Variants in HEMK2 observed in about 807,000 individuals in gnomAD.
HEMK2 encodes methyltransferase HEMK2.
At chr21:28,821,007 T>C in the HEMK2 span, among the ~76,000 whole-genome samples, 9 of 152,260 alleles carry the variant, frequency 5.9e-5, no homozygotes, top group Non-Finnish European at 8.8e-5. Context: ...CTCTTCTTAC[T>C]TTTCCATAAA....
chr21:28,775,582 A>C, the HEMK2 span, among the ~76,000 whole-genome samples: 1 of 152,222 alleles, frequency 6.6e-6, no homozygotes, highest in East Asian at 1.9e-4. Flanking sequence ...TCCAAGTGTC[A>C]GAAGAAAAAC....
chr21:28,697,863 GA>G, the HEMK2 span, among the ~76,000 whole-genome samples: 2 of 146,602 alleles, frequency 1.4e-5, no homozygotes, highest in Admixed American at 1.4e-4. Context: ...CAAACAAACA[GA>G]CAACCATAGA....
chr21:28,810,230 T>A, the HEMK2 span, among the ~76,000 whole-genome samples: 1 of 152,136 alleles, frequency 6.6e-6, no homozygotes, highest in South Asian at 2.1e-4. Context: ...CAAGAAGCAG[T>A]CATTTCCATT....
chr21:28,870,908 T>C, the HEMK2 span, among the ~76,000 whole-genome samples: 1 of 152,192 alleles, frequency 6.6e-6, no homozygotes, highest in Non-Finnish European at 1.5e-5. Flanking sequence ...ATCCCATGGG[T>C]GCTTGAGAAA....
the HEMK2 span, among the ~76,000 whole-genome samples, chr21:28,674,326 C>T: frequency 6.6e-6 from 1 of 152,162 alleles, no homozygotes; most frequent in South Asian, 2.1e-4. Context: ...TATGGAGTAG[C>T]CATTCTTTTA....
the HEMK2 span, among the ~76,000 whole-genome samples, chr21:28,650,949 G>C: frequency 6.6e-6 from 1 of 152,264 alleles, no homozygotes; most frequent in Middle Eastern, 3.4e-3. Context: ...CTAAAGGTGG[G>C]TACAGAGTGG....
the HEMK2 span, among the ~76,000 whole-genome samples, chr21:28,831,594 AGAAG>A: frequency 1.2e-5 from 1 of 82,840 alleles, no homozygotes; most frequent in East Asian, 5.2e-4. Context: ...AAAGAAGGAA[AGAAG>A]GAAAGAAGGA....
the HEMK2 span, among the ~76,000 whole-genome samples, chr21:28,838,694 C>T: frequency 1.3e-5 from 2 of 151,556 alleles, no homozygotes; most frequent in Admixed American, 6.6e-5. Flanking sequence ...AATCCCAGCA[C>T]TTTGGGAGGC....
chr21:28,717,044 A>T, the HEMK2 span, among the ~76,000 whole-genome samples: 1 of 152,160 alleles, frequency 6.6e-6, no homozygotes, highest in Non-Finnish European at 1.5e-5. Flanking sequence ...GGATTTTTGC[A>T]TCTGTGTTCA....
At chr21:28,672,327 T>A in the HEMK2 span, among the ~76,000 whole-genome samples, 2 of 151,968 alleles carry the variant, frequency 1.3e-5, no homozygotes, top group African/African-American at 2.4e-5. Context: ...GGGTGTTAAA[T>A]TTCCACTGGA....
chr21:28,609,400 A>G, the HEMK2 span, among the ~76,000 whole-genome samples: 28 of 152,186 alleles, frequency 1.8e-4, no homozygotes, highest in Non-Finnish European at 3.7e-4. Context: ...ACTGAACAGC[A>G]GCCCTTGAGT....
chr21:28,857,581 T>A, the HEMK2 span, among the ~76,000 whole-genome samples: 1 of 152,206 alleles, frequency 6.6e-6, no homozygotes, highest in Non-Finnish European at 1.5e-5. Flanking sequence ...TAATACAGAT[T>A]TATAAATGTA....
At chr21:28,730,244 G>A in the HEMK2 span, among the ~76,000 whole-genome samples, 5 of 151,838 alleles carry the variant, frequency 3.3e-5, no homozygotes, top group African/African-American at 4.8e-5. Context: ...AGCCAGGTAC[G>A]GTGGGATGAG....
the HEMK2 span, among the ~76,000 whole-genome samples, chr21:28,720,516 T>C: frequency 3.3e-5 from 5 of 152,174 alleles, no homozygotes; most frequent in African/African-American, 1.2e-4. Context: ...GCGGATCACC[T>C]GAGGTCAGGA....
At chr21:28,643,924 C>T in the HEMK2 span, among the ~76,000 whole-genome samples, 3 of 152,220 alleles carry the variant, frequency 2.0e-5, no homozygotes, top group African/African-American at 7.2e-5. Context: ...AAGGCTTCAT[C>T]TTCCTCTACA....
the HEMK2 span, among the ~76,000 whole-genome samples, chr21:28,678,744 A>G: frequency 2.0e-5 from 3 of 152,250 alleles, no homozygotes; most frequent in African/African-American, 7.2e-5. Flanking sequence ...AATGTCCAAC[A>G]TTCTTAAAGA....
the HEMK2 span, among the ~76,000 whole-genome samples, chr21:28,870,877 T>C: frequency 6.6e-6 from 1 of 152,194 alleles, no homozygotes; most frequent in Non-Finnish European, 1.5e-5. Context: ...TTTGGTCTAA[T>C]ACGTAATTAT....
At chr21:28,871,511 T>G in the HEMK2 span, among the ~76,000 whole-genome samples, 1 of 152,222 alleles carries the variant, frequency 6.6e-6, no homozygotes, top group African/African-American at 2.4e-5. Flanking sequence ...AAATTCAACA[T>G]GAGATTTGAG....
At chr21:28,693,624 C>T in the HEMK2 span, among the ~76,000 whole-genome samples, 138 of 152,316 alleles carry the variant, frequency 9.1e-4, no homozygotes, top group Middle Eastern at 3.4e-3. Flanking sequence ...AAATGAAGTA[C>T]ATTTTTATCT....
Sources: allele counts gnomAD v4.1 joint callset (sites outside exome capture counted in the v4.1 genomes callset), GRCh38; gene constraint gnomAD v4.1.1; transcripts MANE v1.5; gene names NCBI Gene and HGNC (gene_info 2026-07-23, HGNC 2026-07-21).